Variants in CSTF2T observed in about 807,000 individuals in gnomAD.
CSTF2T encodes the protein CF-1 64 kDa subunit tau.
In CSTF2T, 18 loss-of-function variants were observed where a neutral mutation model predicts 39.9. The ratio of observed to expected loss-of-function variants is 0.45; its 90% confidence interval spans 0.31 to 0.67. The LOEUF (loss-of-function observed/expected upper bound fraction) is 0.67, where lower values mean the gene tolerates loss of function less well. Among genes scored for constraint, CSTF2T ranks in the 30% least tolerant of loss-of-function variants. The pLI is 0.06. For missense variants in CSTF2T, 681 were observed against 789.0 expected, an observed-to-expected ratio of 0.86 and a Z score of 1.64; for synonymous variants, 291 against 276.4, an observed-to-expected ratio of 1.05 and a Z score of -0.52.
rs770253904 is a variant in CSTF2T at position 51,698,875 on chromosome 10, A to G, written c.675T>C (p.Pro225=). 6.2e-7 allele frequency: 1 copy of G among 1,614,026 alleles called. No individual in the cohort carries two copies. Among genetic ancestry groups the G allele is most frequent in the South Asian group, 1.1e-5 (1 of 91,080 alleles). The part of the protein sequence containing the change: ...PGPGPGLCPG[P]NVLLNQQNPP... ...GATTCTGCTGGTTCAGCAGAACATT[A>G]GGTCCTGGGCAGAGCCCAGGGCCAG... Residue 225 remains proline (P), a synonymous_variant, in exon 1 of 1, where the codon CCT becomes CCC. Transcript: ENST00000331173.
chr10:51,699,249 ACTC>A lies in CSTF2T; in HGVS notation c.298_300del (p.Glu100del). ...GGCGCTGCAGGCCCAAGGCTCTTTAACTCCTCCTTATTCTTTTCACTGGCAGCA... is the reference window on the plus strand; with the variant it reads ...GGCGCTGCAGGCCCAAGGCTCTTTAACTCCTTATTCTTTTCACTGGCAGCA... On this transcript the variant is annotated inframe_deletion, in exon 1 of 1. Coordinates refer to ENST00000331173, the MANE Select transcript of CSTF2T (RefSeq NM_015235.3). The A allele has an allele frequency of 6.2e-7, 1 of 1,613,380 alleles. No homozygotes were observed. The highest frequency in any genetic ancestry group is 8.5e-7 in the Non-Finnish European group (1 of 1,179,808).
chr10:51,699,590 G>T lies in CSTF2T; in HGVS notation c.-41C>A. 1 of 1,568,598 alleles carries T rather than the reference G, an allele frequency of 6.4e-7. No individual in the cohort carries two copies. Among genetic ancestry groups the T allele is most frequent in the Non-Finnish European group, 8.6e-7 (1 of 1,158,786 alleles). On this transcript the variant is annotated 5_prime_UTR_variant, in exon 1 of 1. Coordinates refer to ENST00000331173, the MANE Select transcript of CSTF2T (RefSeq NM_015235.3). The stretch of plus-strand genomic sequence containing the variant: ...GACAGCCGATAGCGGATTCTTCGAG[G>T]CGTCTGTCCTCTTGCGACCGACACT...
In CSTF2T at chr10:51,697,903, CTGTATACCTCCTCCT is replaced by C. The variant is rs539295286; in HGVS notation, c.1632_1646del (p.Gly546_Gly550del). ...GGCTTCCACCTTGCTTGCTTGCCCC[CTGTATACCTCCTCCT>C]TGTATACCTCCTCCTTGTATACTGA... On this transcript the variant is annotated inframe_deletion, in exon 1 of 1. Coordinates refer to ENST00000331173, the MANE Select transcript of CSTF2T (RefSeq NM_015235.3). The C allele has an allele frequency of 1.6e-3, 2,504 of 1,607,996 alleles. 18 individuals carry two copies. The East Asian group carries it at 0.02, about 13-fold the overall frequency.
chr10:51,699,231 C>T lies in CSTF2T; in HGVS notation c.319G>A (p.Ala107Thr), dbSNP rs1450547595. 6.2e-7 allele frequency: 1 copy of T among 1,614,134 alleles called. No homozygotes were observed. The highest frequency in any genetic ancestry group is 1.1e-5 in the South Asian group (1 of 91,082). Reference sequence around the variant, plus strand: ...TAGGGTGAGTCAATAATGGGCGCTGCAGGCCCAAGGCTCTTTAACTCCTCC... The same window carrying T: ...TAGGGTGAGTCAATAATGGGCGCTGTAGGCCCAAGGCTCTTTAACTCCTCC... Reference protein sequence around the residue: ...NKEELKSLGPAAPIIDSPYGD... With the variant: ...NKEELKSLGPTAPIIDSPYGD... Residue 107 changes from alanine (A) to threonine (T), a missense_variant, in exon 1 of 1, where the codon GCA (alanine) becomes ACA (threonine). Ala to Thr is a moderately conservative substitution (Grantham distance 58). Transcript: ENST00000331173.
Position 51,698,348 on chromosome 10 carries a change from T to A in CSTF2T, c.1202A>T (p.Asp401Val). 6.2e-7 allele frequency: 1 copy of A among 1,614,138 alleles called. No individual in the cohort carries two copies. Among genetic ancestry groups the A allele is most frequent in the Non-Finnish European group, 8.5e-7 (1 of 1,180,020 alleles). The change falls in exon 1 of 1, where the codon GAT (aspartate) becomes GTT (valine). Residue 401 changes from aspartate (D) to valine (V), a missense_variant. Asp to Val is a radical substitution (Grantham distance 152). Around this residue, in one of 4 missense-constraint regions of CSTF2T, gnomAD observed 282 missense variants for 289.2 expected, o/e 0.98. Transcript: ENST00000331173. Reference sequence around the variant, plus strand: ...ACCATCCATAGGTAGACCCCTTTGATCTATCATGGGGCCTCTGGGCTCTCC... The same window carrying A: ...ACCATCCATAGGTAGACCCCTTTGAACTATCATGGGGCCTCTGGGCTCTCC... ...LIGEPRGPMI[D>V]QRGLPMDGRG...
chr10:51,698,374 A>G lies in CSTF2T; in HGVS notation c.1176T>C (p.Ile392=). ...CTATCATGGGGCCTCTGGGCTCTCCAATTAGCAGTCTGGGATCTCCTAATG... is the reference window on the plus strand; with the variant it reads ...CTATCATGGGGCCTCTGGGCTCTCCGATTAGCAGTCTGGGATCTCCTAATG... ...GGPLGDPRLL[I]GEPRGPMIDQ... Residue 392 remains isoleucine (I), a synonymous_variant, in exon 1 of 1, where the codon ATT becomes ATC. Coordinates refer to ENST00000331173, the MANE Select transcript of CSTF2T (RefSeq NM_015235.3). 2 of 1,614,068 alleles carry G rather than the reference A, an allele frequency of 1.2e-6. No homozygotes were observed. Among genetic ancestry groups the G allele is most frequent in the Non-Finnish European group, 1.7e-6 (2 of 1,180,002 alleles).
chr10:51,699,558 T>A lies in CSTF2T; in HGVS notation c.-9A>T. 6.2e-7 allele frequency: 1 copy of A among 1,603,314 alleles called. No individual in the cohort carries two copies. Among genetic ancestry groups the A allele is most frequent in the Non-Finnish European group, 8.5e-7 (1 of 1,174,514 alleles). On this transcript the variant is annotated 5_prime_UTR_variant, in exon 1 of 1. Coordinates refer to ENST00000331173, the MANE Select transcript of CSTF2T (RefSeq NM_015235.3). ...ACCGCCAAACTCGACATGATTCCGG[T>A]TGTGCAGACAGCCGATAGCGGATTC...
rs539295286 is a variant in CSTF2T at position 51,697,903 on chromosome 10, C to CTGTATACCTCCTCCT, written c.1632_1646dup (p.Gly546_Gly550dup). ...GGCTTCCACCTTGCTTGCTTGCCCC[C>CTGTATACCTCCTCCT]TGTATACCTCCTCCTTGTATACCTC... On this transcript the variant is annotated inframe_insertion, in exon 1 of 1. Coordinates refer to ENST00000331173, the MANE Select transcript of CSTF2T (RefSeq NM_015235.3). The CTGTATACCTCCTCCT allele has an allele frequency of 2.5e-5, 41 of 1,607,878 alleles. No individual in the cohort carries two copies. The highest frequency in any genetic ancestry group is 1.6e-4 in the African/African-American group (12 of 74,738).
Position 51,698,898 on chromosome 10 carries a change from C to T in CSTF2T, c.652G>A (p.Gly218Ser), listed in dbSNP as rs1841384528. 1 of 1,611,964 alleles carries T rather than the reference C, an allele frequency of 6.2e-7. No homozygotes were observed. The highest frequency in any genetic ancestry group is 8.5e-7 in the Non-Finnish European group (1 of 1,178,458). The change falls in exon 1 of 1, where the codon GGC (glycine) becomes AGC (serine). Residue 218 changes from glycine to serine, a missense_variant. By Grantham distance (56) the Gly-to-Ser change is moderately conservative (BLOSUM62 0). Coordinates refer to ENST00000331173, the MANE Select transcript of CSTF2T (RefSeq NM_015235.3). ...VSVSGPGPGP[G>S]PGLCPGPNVL... ...TTAGGTCCTGGGCAGAGCCCAGGGC[C>T]AGGGCCAGGGCCAGGGCCAGAGACA...
rs1564611868 is a variant in CSTF2T at position 51,698,401 on chromosome 10, C to T, written c.1149G>A (p.Gly383=). The part of the protein sequence containing the change: ...RGPSSHEMRG[G]PLGDPRLLIG... Reference sequence around the variant, plus strand: ...TTAGCAGTCTGGGATCTCCTAATGGCCCTCCCCTCATCTCATGTGAGGAAG... The same window carrying T: ...TTAGCAGTCTGGGATCTCCTAATGGTCCTCCCCTCATCTCATGTGAGGAAG... Residue 383 remains glycine (G), a synonymous_variant, in exon 1 of 1, where the codon GGG becomes GGA. Coordinates refer to ENST00000331173, the MANE Select transcript of CSTF2T (RefSeq NM_015235.3). 1 of 1,614,014 alleles carries T rather than the reference C, an allele frequency of 6.2e-7. No individual in the cohort carries two copies. Among genetic ancestry groups the T allele is most frequent in the South Asian group, 1.1e-5 (1 of 91,070 alleles).
chr10:51,699,487 C>A lies in CSTF2T; in HGVS notation c.63G>T (p.Gly21=). ...CCTCAGTTGCCTCATATGGAATGTT[C>A]CCCACGAACACGGAACGCAGTGATC... is the stretch of plus-strand genomic sequence containing the variant. ...MDRSLRSVFV[G]NIPYEATEEQ... The change falls in exon 1 of 1, where the codon GGG becomes GGT. Residue 21 remains glycine (G), a synonymous_variant. Coordinates refer to ENST00000331173, the MANE Select transcript of CSTF2T (RefSeq NM_015235.3). 6.2e-7 allele frequency: 1 copy of A among 1,613,714 alleles called. No homozygotes were observed. Among genetic ancestry groups the A allele is most frequent in the Non-Finnish European group, 8.5e-7 (1 of 1,179,934 alleles).
Position 51,698,941 on chromosome 10 carries a change from G to T in CSTF2T, c.609C>A (p.Gly203=). 1 of 1,614,224 alleles carries T rather than the reference G, an allele frequency of 6.2e-7. No individual in the cohort carries two copies. The highest frequency in any genetic ancestry group is 1.1e-5 in the South Asian group (1 of 91,090). The change falls in exon 1 of 1, where the codon GGC becomes GGA. Residue 203 remains glycine (G), a synonymous_variant. Coordinates refer to ENST00000331173, the MANE Select transcript of CSTF2T (RefSeq NM_015235.3). ...RKIHVTPLIP[G]KSQSVSVSGP... ...CAGAGACAGACACAGACTGAGATTT[G>T]CCTGGGATCAGTGGTGTGACATGTA...
rs1412116008 is a variant in CSTF2T at position 51,697,059 on chromosome 10, G to T, written c.*640C>A. ...CTGGTCTCTGAAGGATGGGATAAAT[G>T]AAGCAACAGTAAATCAGGTGCACTC... is the stretch of plus-strand genomic sequence containing the variant. On this transcript the variant is annotated 3_prime_UTR_variant, in exon 1 of 1. Coordinates refer to ENST00000331173, the MANE Select transcript of CSTF2T (RefSeq NM_015235.3). 6.6e-6 allele frequency: 1 copy of T among 152,162 alleles called. No individual in the cohort carries two copies. Among genetic ancestry groups the T allele is most frequent in the East Asian group, 1.9e-4 (1 of 5,186 alleles). The allele number at this position is 152,162 out of a possible 1,614,324, so 9.4% of individuals were successfully genotyped here.
Position 51,698,233 on chromosome 10 carries a change from C to G in CSTF2T, c.1317G>C (p.Glu439Asp). ...TCCCTCTGGTTTCCATCGCACAGGTCTCCATTCCTCTCCTCTCCATTACAC... is the reference window on the plus strand; with the variant it reads ...TCCCTCTGGTTTCCATCGCACAGGTGTCCATTCCTCTCCTCTCCATTACAC... ...ETRVMERRGMETCAMETRGME... is the reference protein window; with the variant it reads ...ETRVMERRGMDTCAMETRGME... Residue 439 changes from glutamate (E) to aspartate (D), a missense_variant, in exon 1 of 1, where the codon GAG becomes GAC. Around this residue, in one of 4 missense-constraint regions of CSTF2T, gnomAD observed 282 missense variants for 289.2 expected, o/e 0.98. Transcript: ENST00000331173. The G allele has an allele frequency of 6.2e-7, 1 of 1,614,134 alleles. No homozygotes were observed. The highest frequency in any genetic ancestry group is 8.5e-7 in the Non-Finnish European group (1 of 1,180,024).
chr10:51,696,360 C>A lies in CSTF2T; in HGVS notation c.*1339G>T, dbSNP rs977097542. ...GAGTTTTACTTAGTGAAACCTTCCA[C>A]TACTTATGAAAAGTCAAATATCATG... On this transcript the variant is annotated 3_prime_UTR_variant, in exon 1 of 1. Coordinates refer to ENST00000331173, the MANE Select transcript of CSTF2T (RefSeq NM_015235.3). 9 of 152,058 alleles carry A rather than the reference C, an allele frequency of 5.9e-5. No individual in the cohort carries two copies. Among genetic ancestry groups the A allele is most frequent in the Admixed American group, 6.6e-5 (1 of 15,262 alleles). The allele number at this position is 152,058 out of a possible 1,614,324, so 9.4% of individuals were successfully genotyped here. A position where few individuals can be genotyped will look rare whatever the true frequency, so the allele number is the denominator to read the frequency against.
At position 51,696,491 on chromosome 10, in the gene CSTF2T, G is replaced by C. The variant is rs1841296436; in HGVS notation, c.*1208C>G. ...TTTAAAGACTATTGAGAAATAGGAA[G>C]GTATTGAGAGATTATTGGGTTTCAT... On this transcript the variant is annotated 3_prime_UTR_variant, in exon 1 of 1. Coordinates refer to ENST00000331173, the MANE Select transcript of CSTF2T (RefSeq NM_015235.3). The C allele has an allele frequency of 1.3e-5, 2 of 152,004 alleles. No homozygotes were observed. Among genetic ancestry groups the C allele is most frequent in the South Asian group, 4.1e-4 (2 of 4,828 alleles). 9.4% of individuals were successfully genotyped at this position (152,004 alleles called of 1,614,324 possible). A position where few individuals can be genotyped will look rare whatever the true frequency, so the allele number is the denominator to read the frequency against.
Position 51,698,450 on chromosome 10 carries a change from G to A in CSTF2T, c.1100C>T (p.Ala367Val), listed in dbSNP as rs1332974954. 1 of 1,614,000 alleles carries A rather than the reference G, an allele frequency of 6.2e-7. No homozygotes were observed. Among genetic ancestry groups the A allele is most frequent in the African/African-American group, 1.3e-5 (1 of 74,916 alleles). The change falls in exon 1 of 1, where the codon GCC becomes GTC. Residue 367 changes from alanine (A) to valine (V), a missense_variant. By Grantham distance (64) the Ala-to-Val change is moderately conservative. Coordinates refer to ENST00000331173, the MANE Select transcript of CSTF2T (RefSeq NM_015235.3). Reference protein sequence around the residue: ...PPHQGPPMHHASGHDTRGPSS... With the variant: ...PPHQGPPMHHVSGHDTRGPSS... ...AGGGCCACGAGTGTCATGACCAGAGGCATGATGCATGGGGGGACCCTGATG... is the reference window on the plus strand; with the variant it reads ...AGGGCCACGAGTGTCATGACCAGAGACATGATGCATGGGGGGACCCTGATG...
Position 51,699,164 on chromosome 10 carries a change from G to A in CSTF2T, c.386C>T (p.Thr129Ile), listed in dbSNP as rs1244485271. Residue 129 changes from threonine (T) to isoleucine (I), a missense_variant, in exon 1 of 1, where the codon ACC (threonine) becomes ATC (isoleucine). By Grantham distance (89) the Thr-to-Ile change is moderately conservative. Around this residue, in one of 4 missense-constraint regions of CSTF2T, gnomAD observed 329 missense variants for 344.1 expected, o/e 0.96. Coordinates refer to ENST00000331173, the MANE Select transcript of CSTF2T (RefSeq NM_015235.3). ...IDPEDAPESI[T>I]RAVASLPPEQ... Reference sequence around the variant, plus strand: ...CGGGGGGAGACTGGCTACTGCTCTGGTAATCGATTCAGGGGCATCTTCTGG... The same window carrying A: ...CGGGGGGAGACTGGCTACTGCTCTGATAATCGATTCAGGGGCATCTTCTGG... The A allele has an allele frequency of 6.2e-7, 1 of 1,614,150 alleles. No individual in the cohort carries two copies. Among genetic ancestry groups the A allele is most frequent in the Non-Finnish European group, 8.5e-7 (1 of 1,180,028 alleles).
Position 51,696,288 on chromosome 10 carries a change from G to A in CSTF2T, c.*1411C>T, listed in dbSNP as rs546040255. Reference sequence around the variant, plus strand: ...AGGTTTTTAACTCCTGTCTGGTGGAGCAAATGGACACCATCTGTATAAGAA... The same window carrying A: ...AGGTTTTTAACTCCTGTCTGGTGGAACAAATGGACACCATCTGTATAAGAA... On this transcript the variant is annotated 3_prime_UTR_variant, in exon 1 of 1. Transcript: ENST00000331173. The A allele has an allele frequency of 1.8e-4, 28 of 152,282 alleles. No homozygotes were observed. The highest frequency in any genetic ancestry group is 6.5e-4 in the African/African-American group (27 of 41,544). 9.4% of individuals were successfully genotyped at this position (152,282 alleles called of 1,614,324 possible).
Sources: gnomAD v4.1 joint callset for allele counts on GRCh38, gnomAD v4.1.1 for gene constraint, gnomAD v4.1.1 regional missense constraint, MANE v1.5 for transcripts, NCBI Gene and HGNC (gene_info 2026-07-23, HGNC 2026-07-21) for gene names.